Variants in ASB13 observed in about 807,000 individuals in gnomAD.
The protein encoded by ASB13 is ankyrin repeat and SOCS box protein 13.
Under a neutral mutation model 28.8 loss-of-function variants are expected in ASB13, and 33 were observed. The ratio of observed to expected loss-of-function variants is 1.15; its 90% CI spans 0.87 to 1.53. The LOEUF is 1.53. Among genes scored for constraint, ASB13 ranks in the 40% most tolerant of loss-of-function variants. ASB13 has a pLI of 0.00. For missense variants in ASB13, 414 were observed against 390.1 expected, an observed-to-expected ratio of 1.06 and a Z score of -0.52; for synonymous variants, 182 against 172.9, an observed-to-expected ratio of 1.05 and a Z score of -0.41.
rs1588512901 is a variant in ASB13, at chr10:5,651,236, G to C, written c.359C>G (p.Pro120Arg). 1.9e-6 allele frequency: 3 copies of C among 1,613,220 alleles called. No homozygotes were observed. Among genetic ancestry groups the C allele is most frequent in the Non-Finnish European group, 8.5e-7 (1 of 1,179,518 alleles). ...KVNPPLYTAS[P>R]LHEACMSGSS... is the part of the protein sequence containing the mutation. ...ACCGCTCATGCAGGCCTCGTGCAGG[G>C]GGGACGCTGTGTACAGGGGAGGGTT... Residue 120 changes from proline to arginine, a missense_variant, in exon 3 of 6, where the codon CCC becomes CGC. Coordinates refer to ENST00000357700, the MANE Select transcript of ASB13 (RefSeq NM_024701.4). This position sits in a 1 kb window ranked among gnomAD's most constrained non-coding sequence, Gnocchi z 5.1.
Position 5,664,474 on chromosome 10 carries a change from A to G in ASB13, c.43+2035T>C, listed in dbSNP as rs79485771. Among the ~76,000 whole-genome samples the G allele has an allele frequency of 0.067, 10,121 of 152,032 alleles. 479 individuals carry two copies. The highest frequency in any genetic ancestry group is 0.15 in the Admixed American group (2,233 of 15,270). On this transcript the variant is annotated intron_variant, in intron 1 of 5. Coordinates refer to ENST00000357700, the MANE Select transcript of ASB13 (RefSeq NM_024701.4). This position sits in a 1 kb window ranked among gnomAD's most constrained non-coding sequence, Gnocchi z 4.2. Reference sequence around the variant, plus strand: ...CAAGACATTACACAAAAAGAGAAACATAGTCCCCACATAGCAAGTGGCTCA... The same window carrying G: ...CAAGACATTACACAAAAAGAGAAACGTAGTCCCCACATAGCAAGTGGCTCA...
chr10:5,641,057 G>A lies in ASB13; in HGVS notation c.710-227C>T, dbSNP rs550048976. 8.5e-5 allele frequency among the ~76,000 whole-genome samples: 13 copies of A among 152,264 alleles called. No individual in the cohort carries two copies. Among genetic ancestry groups the A allele is most frequent in the African/African-American group, 3.1e-4 (13 of 41,564 alleles). On this transcript the variant is annotated intron_variant, in intron 5 of 5. Coordinates refer to ENST00000357700, the MANE Select transcript of ASB13 (RefSeq NM_024701.4). This position sits in a 1 kb window ranked among gnomAD's most constrained non-coding sequence, Gnocchi z 8.4. ...TGGGATTGCCTTTTGTGGGCTTTGG[G>A]AGTTTGTTTGGTTTTGAGGTTTTTT...
intron 4 of ASB13, among the ~76,000 whole-genome samples, chr10:5,648,342 CG>C (rs1564216801): frequency 0.01 from 1,295 of 125,272 alleles, 11 homozygotes; most frequent in South Asian, 0.016. Context: ...TAAACACCCA[CG>C]TGGGCAACAC....
chr10:5,653,725 A>C (rs1835027449), intron 1 of ASB13, among the ~76,000 whole-genome samples: 2 of 152,084 alleles, frequency 1.3e-5, no homozygotes, highest in Non-Finnish European at 2.9e-5. Context: ...TCTGTCACCC[A>C]GGCTGGAGTG....
rs1414680016 is a variant in ASB13 at position 5,651,726 on chromosome 10, G to T, written c.232-363C>A. Among the ~76,000 whole-genome samples the T allele has an allele frequency of 6.6e-6, 1 of 152,004 alleles. No homozygotes were observed. Among genetic ancestry groups the T allele is most frequent in the Non-Finnish European group, 1.5e-5 (1 of 68,004 alleles). On this transcript the variant is annotated intron_variant, in intron 2 of 5. Transcript: ENST00000357700. The surrounding 1 kb of genome is among the most constrained non-coding windows in gnomAD (Gnocchi z 5.1). Reference sequence around the variant, plus strand: ...GTTTTAAAAACCCTAACCTCAGCTGGGCACAGTGGCTCACACCTGTAACCC... The same window carrying T: ...GTTTTAAAAACCCTAACCTCAGCTGTGCACAGTGGCTCACACCTGTAACCC...
intron 1 of ASB13, 59 bp downstream of exon 1, chr10:5,666,450 G>T: frequency 2.4e-6 from 3 of 1,251,874 alleles, no homozygotes; most frequent in South Asian, 2.4e-5. Context: ...CGGATACGCG[G>T]CCGGCCTCAG....
rs1653015265 is a variant in ASB13 at position 5,655,191 on chromosome 10, C to T, written c.44-2141G>A. On this transcript the variant is annotated intron_variant, in intron 1 of 5. Transcript: ENST00000357700. This position sits in a 1 kb window ranked among gnomAD's most constrained non-coding sequence, Gnocchi z 6.2. Reference sequence around the variant, plus strand: ...TGCTGACGACTCTGCTTTTAGAGATCCCCACATTGCCACCTTCCCCCACCT... The same window carrying T: ...TGCTGACGACTCTGCTTTTAGAGATTCCCACATTGCCACCTTCCCCCACCT... Among the ~76,000 whole-genome samples, 1 of 152,126 alleles carries T rather than the reference C, an allele frequency of 6.6e-6. No individual in the cohort carries two copies. Among genetic ancestry groups the T allele is most frequent in the African/African-American group, 2.4e-5 (1 of 41,420 alleles).
Position 5,658,781 on chromosome 10 carries a change from T to C in ASB13, c.44-5731A>G, listed in dbSNP as rs1204734641. ...ACCAGAAGCTGGAGGACCTAGAGCA[T>C]GGGGGGACTGTCACCCGCAGGCTGT... On this transcript the variant is annotated intron_variant, in intron 1 of 5. Transcript: ENST00000357700. The surrounding 1 kb of genome is among the most constrained non-coding windows in gnomAD (Gnocchi z 4.2). 6.6e-6 allele frequency among the ~76,000 whole-genome samples: 1 copy of C among 152,106 alleles called. No individual in the cohort carries two copies. The highest frequency in any genetic ancestry group is 1.5e-5 in the Non-Finnish European group (1 of 68,024).
At position 5,640,539 on chromosome 10, in the gene ASB13, A is replaced by C. The variant is rs1165527367; in HGVS notation, c.*164T>G. 3.4e-6 allele frequency: 3 copies of C among 879,758 alleles called. No individual in the cohort carries two copies. 54.5% of individuals were successfully genotyped at this position (879,758 alleles called of 1,614,324 possible). A position where few individuals can be genotyped will look rare whatever the true frequency, so the allele number is the denominator to read the frequency against. ...GCCTTCCCAACACCCTGGAAACATT[A>C]TCCAGGATCCAGGAGAGAAGCCTAA... On this transcript the variant is annotated 3_prime_UTR_variant, in exon 6 of 6. Coordinates refer to ENST00000357700, the MANE Select transcript of ASB13 (RefSeq NM_024701.4).
rs748830102 is a variant in ASB13 at position 5,659,939 on chromosome 10, C to T, written c.43+6570G>A. On this transcript the variant is annotated intron_variant, in intron 1 of 5. Transcript: ENST00000357700. This position sits in a 1 kb window ranked among gnomAD's most constrained non-coding sequence, Gnocchi z 5.8. ...CCTGAGACCTAACATGATGCTTGCACACTCTGGCCAAGCGGGGGCTCGTGC... is the reference window on the plus strand; with the variant it reads ...CCTGAGACCTAACATGATGCTTGCATACTCTGGCCAAGCGGGGGCTCGTGC... Among the ~76,000 whole-genome samples, 12 of 152,224 alleles carry T rather than the reference C, an allele frequency of 7.9e-5. No homozygotes were observed. Among genetic ancestry groups the T allele is most frequent in the Non-Finnish European group, 1.6e-4 (11 of 68,042 alleles).
Position 5,644,410 on chromosome 10 carries a change from C to G in ASB13, c.518-2449G>C, listed in dbSNP as rs11256644. Among the ~76,000 whole-genome samples the G allele has an allele frequency of 0.32, 48,943 of 152,024 alleles. 8,951 individuals carry two copies. The highest frequency in any genetic ancestry group is 0.43 in the Non-Finnish European group (29,341 of 67,936). ...ACTCTGGAGGCTGAGGTAGGAGGAT[C>G]ACTTGAGCCCGGGAGGTTGAGGCTG... is the stretch of plus-strand genomic sequence containing the variant. On this transcript the variant is annotated intron_variant, in intron 4 of 5. Coordinates refer to ENST00000357700, the MANE Select transcript of ASB13 (RefSeq NM_024701.4). The surrounding 1 kb of genome is among the most constrained non-coding windows in gnomAD (Gnocchi z 5.1).
rs1338023375 is a variant in ASB13 at position 5,660,974 on chromosome 10, G to A, written c.43+5535C>T. Reference sequence around the variant, plus strand: ...GCCGGAGACCACCAGCAGCTTGAAAGCAGCCAGGATGTGAGTATTTAGACC... The same window carrying A: ...GCCGGAGACCACCAGCAGCTTGAAAACAGCCAGGATGTGAGTATTTAGACC... On this transcript the variant is annotated intron_variant, in intron 1 of 5. Transcript: ENST00000357700. The surrounding 1 kb of genome is among the most constrained non-coding windows in gnomAD (Gnocchi z 6.1). Among the ~76,000 whole-genome samples, 1 of 152,232 alleles carries A rather than the reference G, an allele frequency of 6.6e-6. No individual in the cohort carries two copies. The highest frequency in any genetic ancestry group is 1.5e-5 in the Non-Finnish European group (1 of 68,042).
intron 4 of ASB13, among the ~76,000 whole-genome samples, chr10:5,643,325 C>T (rs540202827): frequency 3.9e-5 from 6 of 152,266 alleles, no homozygotes; most frequent in Admixed American, 2.0e-4. Context: ...CAAAAAGCAT[C>T]GGAAAAATCC....
In ASB13 at chr10:5,642,535, A is replaced by T; in HGVS notation, c.518-574T>A. On this transcript the variant is annotated intron_variant, in intron 4 of 5. Transcript: ENST00000357700. This position sits in a 1 kb window ranked among gnomAD's most constrained non-coding sequence, Gnocchi z 4.1. ...TGCACTCCTCAACTTTCTCACGATAAGAGCAGACATTCATCAAGCTGATTA... is the reference window on the plus strand; with the variant it reads ...TGCACTCCTCAACTTTCTCACGATATGAGCAGACATTCATCAAGCTGATTA... The T allele has an allele frequency of 8.0e-7, 1 of 1,250,612 alleles. No homozygotes were observed. The allele number at this position is 1,250,612 out of a possible 1,614,324, so 77.5% of individuals were successfully genotyped here. A position where few individuals can be genotyped will look rare whatever the true frequency, so the allele number is the denominator to read the frequency against.
Position 5,651,360 on chromosome 10 carries a change from C to T in ASB13, c.235G>A (p.Asp79Asn), listed in dbSNP as rs201881330. ...GTGCTGCCGTCGATGTTGCGAGCAT[C>T]CACCTCACGGGAGGAAGAAACAAGT... ...QLLLAAGAQV[D>N]ARNIDGSTPL... Residue 79 changes from aspartate (D) to asparagine (N), a missense_variant, in exon 3 of 6, where the codon GAT becomes AAT. Physicochemically the swap from Asp to Asn is conservative, Grantham distance 23. Coordinates refer to ENST00000357700, the MANE Select transcript of ASB13 (RefSeq NM_024701.4). The surrounding 1 kb of genome is among the most constrained non-coding windows in gnomAD (Gnocchi z 5.1). 3 of 1,604,182 alleles carry T rather than the reference C, an allele frequency of 1.9e-6. No homozygotes were observed. The highest frequency in any genetic ancestry group is 1.3e-5 in the African/African-American group (1 of 74,744).
At position 5,640,571 on chromosome 10, in the gene ASB13, T is replaced by A; in HGVS notation, c.*132A>T. The A allele has an allele frequency of 1.7e-6, 2 of 1,177,738 alleles. No homozygotes were observed. Among genetic ancestry groups the A allele is most frequent in the Non-Finnish European group, 1.2e-6 (1 of 830,970 alleles). The allele number at this position is 1,177,738 out of a possible 1,614,324, so 73.0% of individuals were successfully genotyped here. The stretch of plus-strand genomic sequence containing the variant: ...ATCCAGGAGAGAAGCCTAAACAGGA[T>A]CGCAGGAAGGGACTCGAAGGAGCGT... On this transcript the variant is annotated 3_prime_UTR_variant, in exon 6 of 6. Transcript: ENST00000357700.
chr10:5,640,591 G>T lies in ASB13; in HGVS notation c.*112C>A. The T allele has an allele frequency of 7.4e-7, 1 of 1,354,230 alleles. No individual in the cohort carries two copies. Among genetic ancestry groups the T allele is most frequent in the Non-Finnish European group, 1.0e-6 (1 of 969,554 alleles). The allele number at this position is 1,354,230 out of a possible 1,614,324, so 83.9% of individuals were successfully genotyped here. A position where few individuals can be genotyped will look rare whatever the true frequency, so the allele number is the denominator to read the frequency against. Reference sequence around the variant, plus strand: ...CAGGATCGCAGGAAGGGACTCGAAGGAGCGTTGTTCTATCTACAGCAATCA... The same window carrying T: ...CAGGATCGCAGGAAGGGACTCGAAGTAGCGTTGTTCTATCTACAGCAATCA... On this transcript the variant is annotated 3_prime_UTR_variant, in exon 6 of 6. Coordinates refer to ENST00000357700, the MANE Select transcript of ASB13 (RefSeq NM_024701.4).
chr10:5,662,549 G>A (rs1163459504), intron 1 of ASB13, among the ~76,000 whole-genome samples: 730 of 41,632 alleles, frequency 0.018, 17 homozygotes, highest in Non-Finnish European at 0.028. Context: ...GGGAGGGGAG[G>A]GGAGGGGAGG....
chr10:5,645,516 T>A lies in ASB13; in HGVS notation c.517+3454A>T, dbSNP rs1044888483. Reference sequence around the variant, plus strand: ...AATCTGGTTCCTGGACTCGCCTCACTGCCTACAAAGAACAAGAACAACGGT... The same window carrying A: ...AATCTGGTTCCTGGACTCGCCTCACAGCCTACAAAGAACAAGAACAACGGT... On this transcript the variant is annotated intron_variant, in intron 4 of 5. Coordinates refer to ENST00000357700, the MANE Select transcript of ASB13 (RefSeq NM_024701.4). The surrounding 1 kb of genome is among the most constrained non-coding windows in gnomAD (Gnocchi z 5.4). Among the ~76,000 whole-genome samples, 109 of 152,290 alleles carry A rather than the reference T, an allele frequency of 7.2e-4. No individual in the cohort carries two copies. Among genetic ancestry groups the A allele is most frequent in the African/African-American group, 2.5e-3 (102 of 41,566 alleles).
Sources: gnomAD v4.1 joint callset for allele counts (sites outside exome capture counted in the v4.1 genomes callset) on GRCh38, gnomAD v4.1.1 for gene constraint, Gnocchi (gnomAD v3.1) non-coding constraint, MANE v1.5 for transcripts, NCBI Gene and HGNC (gene_info 2026-07-23, HGNC 2026-07-21) for gene names.